The following AGBL4 variants were observed in gnomAD, a reference collection of about 807,000 sequenced individuals.
The protein encoded by AGBL4 is cytosolic carboxypeptidase 6.
AGBL4 carries 58 observed loss-of-function variants against 66.4 expected under a neutral mutation model. That is an observed-to-expected ratio of 0.87 (90% CI 0.71 to 1.09). The LOEUF is 1.09. Among genes scored for constraint, AGBL4 ranks in the 50% least tolerant of loss-of-function variants. The probability of loss-of-function intolerance (pLI) is 0.00; values close to 1 mark genes in which losing one functional copy is unlikely to be tolerated. For synonymous variants in AGBL4, 234 were observed against 222.9 expected (o/e 1.05, Z -0.44); for missense variants, 579 against 631.0 (o/e 0.92, Z 0.88).
chr1:49,322,387 C>T (rs182760952), intron 3 of AGBL4, among the ~76,000 whole-genome samples: 6 of 152,152 alleles, frequency 3.9e-5, no homozygotes, highest in African/African-American at 1.4e-4. Context: ...AAATGAGACT[C>T]TTTTTAAATA....
chr1:49,224,807 T>C (rs922518254), intron 4 of AGBL4, among the ~76,000 whole-genome samples: 1 of 151,992 alleles, frequency 6.6e-6, no homozygotes, highest in African/African-American at 2.4e-5. Flanking sequence ...AGTCCAAAAA[T>C]GGCTCACTTA....
chr1:49,962,624 A>G (rs1657210941), intron 1 of AGBL4, among the ~76,000 whole-genome samples: 1 of 152,174 alleles, frequency 6.6e-6, no homozygotes. Context: ...TTACTATGGC[A>G]CTGTGCTGGA....
intron 2 of AGBL4, among the ~76,000 whole-genome samples, chr1:49,812,146 GA>G (rs1021803999): frequency 2.0e-5 from 3 of 152,078 alleles, no homozygotes; most frequent in African/African-American, 7.2e-5. Flanking sequence ...AAATTCTTAA[GA>G]AAAAATAGAA....
At chr1:49,036,575 A>G (rs1664674000) in intron 5 of AGBL4, among the ~76,000 whole-genome samples, 1 of 151,904 alleles carries the variant, frequency 6.6e-6, no homozygotes, top group Non-Finnish European at 1.5e-5. Flanking sequence ...TTATTTATTT[A>G]TTTATTTTAA....
At chr1:49,938,313 G>T (rs948297869) in intron 1 of AGBL4, among the ~76,000 whole-genome samples, 11 of 152,202 alleles carry the variant, frequency 7.2e-5, no homozygotes, top group African/African-American at 1.7e-4. Flanking sequence ...TTGAATCCCT[G>T]AATAGACCAA....
chr1:50,018,097 A>G (rs1662128743), intron 1 of AGBL4, among the ~76,000 whole-genome samples: 1 of 152,190 alleles, frequency 6.6e-6, no homozygotes, highest in Non-Finnish European at 1.5e-5. Context: ...TTTTCAAAAT[A>G]TTTATTTAGG....
intron 3 of AGBL4, among the ~76,000 whole-genome samples, chr1:49,438,689 A>G (rs1027385137): frequency 7.2e-5 from 11 of 152,192 alleles, no homozygotes; most frequent in East Asian, 3.9e-4. Context: ...GAGATTAGCA[A>G]TATCTGAGTC....
chr1:49,955,474 T>A (rs750505279), intron 1 of AGBL4, among the ~76,000 whole-genome samples: 1 of 151,896 alleles, frequency 6.6e-6, no homozygotes, highest in Non-Finnish European at 1.5e-5. Flanking sequence ...GCCTAGATAA[T>A]TGAGTGATGC....
At chr1:49,186,871 C>T (rs1249068704) in intron 4 of AGBL4, among the ~76,000 whole-genome samples, 1 of 152,110 alleles carries the variant, frequency 6.6e-6, no homozygotes, top group Non-Finnish European at 1.5e-5. Context: ...CGAAGCCAAC[C>T]TGGGGAGGGG....
At chr1:49,326,853 C>T (rs1645238125) in intron 3 of AGBL4, among the ~76,000 whole-genome samples, 1 of 152,082 alleles carries the variant, frequency 6.6e-6, no homozygotes, top group Non-Finnish European at 1.5e-5. Context: ...TTAAAACAAC[C>T]CAAATCTATT....
At chr1:49,411,066 A>C (rs1273583117) in intron 3 of AGBL4, among the ~76,000 whole-genome samples, 1 of 152,300 alleles carries the variant, frequency 6.6e-6, no homozygotes, top group East Asian at 1.9e-4. Context: ...GCTGTCTGCA[A>C]GGTGAGGAAG....
chr1:49,656,469 C>G (rs1646135801), intron 3 of AGBL4, among the ~76,000 whole-genome samples: 1 of 152,046 alleles, frequency 6.6e-6, no homozygotes, highest in Admixed American at 6.5e-5. Context: ...CTATTCCAAT[C>G]AATAGAAAAA....
At chr1:49,646,299 C>A (rs1305117267) in intron 3 of AGBL4, among the ~76,000 whole-genome samples, 2 of 151,988 alleles carry the variant, frequency 1.3e-5, no homozygotes, top group East Asian at 3.9e-4. Context: ...TCTATGGAAT[C>A]TATGTGAAAA....
chr1:49,451,723 C>G (rs376257319), intron 3 of AGBL4, among the ~76,000 whole-genome samples: 2 of 152,012 alleles, frequency 1.3e-5, no homozygotes, highest in Non-Finnish European at 2.9e-5. Flanking sequence ...GGACTAGGGT[C>G]TCCTCAGAGG....
intron 3 of AGBL4, among the ~76,000 whole-genome samples, chr1:49,418,276 T>G (rs1570668709): frequency 6.6e-6 from 1 of 152,172 alleles, no homozygotes; most frequent in Non-Finnish European, 1.5e-5. Flanking sequence ...TAACATTTAA[T>G]GGCCACCTGC....
In AGBL4 at chr1:49,544,826, C is replaced by A. The variant is rs1054711279; in HGVS notation, c.282+152487G>T. Reference sequence around the variant, plus strand: ...CCTTGAACATAATGCAGTTAAACTCCCTAACTTAAAGATGAAGAAACTGAA... The same window carrying A: ...CCTTGAACATAATGCAGTTAAACTCACTAACTTAAAGATGAAGAAACTGAA... On this transcript the variant is annotated intron_variant, in intron 3 of 13. Coordinates refer to ENST00000371839, the MANE Select transcript of AGBL4 (RefSeq NM_032785.4). Among the ~76,000 whole-genome samples the A allele has an allele frequency of 3.9e-4, 59 of 152,182 alleles. 1 individual carries two copies. The highest frequency in any genetic ancestry group is 1.3e-3 in the African/African-American group (56 of 41,514).
intron 1 of AGBL4, among the ~76,000 whole-genome samples, chr1:49,948,051 A>AT (rs1557608031): frequency 3.5e-5 from 3 of 85,312 alleles, no homozygotes; most frequent in African/African-American, 1.7e-4. Context: ...TAAATATATA[A>AT]ATATATATAT....
Position 49,947,970 on chromosome 1 carries a change from AT to A in AGBL4, c.34+75792del, listed in dbSNP as rs1372196621. ...AGCTGCAATATATATATAAATATAT[AT>A]ATTTATAAATATATATTTATATATA... On this transcript the variant is annotated intron_variant, in intron 1 of 13. Transcript: ENST00000371839. Among the ~76,000 whole-genome samples the A allele has an allele frequency of 6.3e-4, 47 of 74,272 alleles. 1 individual carries two copies. Among genetic ancestry groups the A allele is most frequent in the African/African-American group, 1.9e-3 (46 of 24,350 alleles). 48.7% of individuals were successfully genotyped at this position (74,272 alleles called of 152,430 possible). A position where few individuals can be genotyped will look rare whatever the true frequency, so the allele number is the denominator to read the frequency against.
At chr1:49,291,705 G>T (rs1016416986) in intron 3 of AGBL4, among the ~76,000 whole-genome samples, 4 of 152,194 alleles carry the variant, frequency 2.6e-5, no homozygotes, top group Non-Finnish European at 5.9e-5. Context: ...TTTGATCAGG[G>T]TCATGGTAAC....
Sources: gnomAD v4.1 joint callset for allele counts (sites outside exome capture counted in the v4.1 genomes callset) on GRCh38, gnomAD v4.1.1 for gene constraint, MANE v1.5 for transcripts, NCBI Gene and HGNC (gene_info 2026-07-23, HGNC 2026-07-21) for gene names.